CPED1: variants seen among roughly 807,000 people sequenced by gnomAD.
CPED1 encodes the protein cadherin like and PC-esterase domain containing 1, also known as cadherin-like and PC-esterase domain-containing protein 1.
Under a neutral mutation model 128.2 loss-of-function variants are expected in CPED1, and 114 were observed. That is an observed-to-expected ratio of 0.89 (90% confidence interval 0.76 to 1.04). CPED1 has a LOEUF of 1.04. CPED1 is among the 50% of genes least tolerant of loss of function. CPED1 has a pLI of 0.00. For synonymous variants in CPED1, 462 were observed against 426.7 expected (o/e 1.08, Z -1.02); for missense variants, 1,211 against 1,207.1 (o/e 1.00, Z -0.05).
intron 5 of CPED1, among the ~76,000 whole-genome samples, chr7:121,088,623 C>T (rs1794494840): frequency 6.6e-6 from 1 of 150,694 alleles, no homozygotes; most frequent in Non-Finnish European, 1.5e-5. Flanking sequence ...TGTCCCACTG[C>T]ACTCCAGCCT....
At chr7:121,009,674 G>A (rs1383635777) in intron 2 of CPED1, among the ~76,000 whole-genome samples, 1 of 145,620 alleles carries the variant, frequency 6.9e-6, no homozygotes, top group Non-Finnish European at 1.5e-5. Flanking sequence ...TAATAAATTT[G>A]AAATAAATGA....
chr7:121,240,386 T>C (rs1584623404), intron 17 of CPED1, among the ~76,000 whole-genome samples: 1 of 152,284 alleles, frequency 6.6e-6, no homozygotes, highest in African/African-American at 2.4e-5. Context: ...AAACAGCCTT[T>C]CAAAAGATTA....
intron 22 of CPED1, among the ~76,000 whole-genome samples, chr7:121,282,782 C>T (rs1393798372): frequency 6.6e-6 from 1 of 152,172 alleles, no homozygotes; most frequent in Non-Finnish European, 1.5e-5. Context: ...GGGAGCTAGT[C>T]TCAGACAATG....
intron 16 of CPED1, among the ~76,000 whole-genome samples, chr7:121,214,285 A>T (rs1368220994): frequency 3.3e-5 from 5 of 151,830 alleles, no homozygotes; most frequent in Admixed American, 1.3e-4. Flanking sequence ...TCCTTAGAGT[A>T]TTTTATCTTT....
intron 16 of CPED1, among the ~76,000 whole-genome samples, chr7:121,160,802 G>A (rs1417289271): frequency 6.6e-6 from 1 of 152,048 alleles, no homozygotes; most frequent in Non-Finnish European, 1.5e-5. Context: ...GCTTCTCAGG[G>A]ACCCAGCAGG....
At chr7:121,014,153 A>C (rs1467005396) in intron 2 of CPED1, among the ~76,000 whole-genome samples, 1 of 152,214 alleles carries the variant, frequency 6.6e-6, no homozygotes, top group Non-Finnish European at 1.5e-5. Context: ...TGATGTATAA[A>C]GGAGCAGGTT....
intron 4 of CPED1, chr7:121,061,211 T>C: frequency 3.1e-6 from 3 of 961,708 alleles, no homozygotes; most frequent in Non-Finnish European, 3.7e-6. Flanking sequence ...AAAGGTATAT[T>C]GGGATAGAAA....
intron 16 of CPED1, among the ~76,000 whole-genome samples, chr7:121,177,422 A>C (rs1347658112): frequency 6.6e-6 from 1 of 152,032 alleles, no homozygotes; most frequent in East Asian, 1.9e-4. Flanking sequence ...TCAATTTTGT[A>C]CAAGTTCCTG....
In CPED1 at chr7:121,118,944, C is replaced by T. The variant is rs149500785; in HGVS notation, c.919-5387C>T. Among the ~76,000 whole-genome samples, 6 of 152,284 alleles carry T rather than the reference C, an allele frequency of 3.9e-5. No individual in the cohort carries two copies. The East Asian group carries it at 5.8e-4, about 15-fold the overall frequency. On this transcript the variant is annotated intron_variant, in intron 7 of 22. Transcript: ENST00000310396. Reference sequence around the variant, plus strand: ...CCCATGACCCAAACACTTCTCAACACGCCCCACCTGCAACACTGAGGATTA... The same window carrying T: ...CCCATGACCCAAACACTTCTCAACATGCCCCACCTGCAACACTGAGGATTA...
At chr7:121,165,166 A>G (rs1156722957) in intron 16 of CPED1, among the ~76,000 whole-genome samples, 1 of 152,228 alleles carries the variant, frequency 6.6e-6, no homozygotes, top group Non-Finnish European at 1.5e-5. Context: ...AGGAACAAAA[A>G]AGGAAAAGTA....
At chr7:121,071,461 T>C (rs1039419806) in intron 5 of CPED1, among the ~76,000 whole-genome samples, 1 of 152,090 alleles carries the variant, frequency 6.6e-6, no homozygotes, top group African/African-American at 2.4e-5. Flanking sequence ...AAAACTTTAC[T>C]CTCTGGTATT....
intron 9 of CPED1, among the ~76,000 whole-genome samples, chr7:121,126,162 G>A (rs983946125): frequency 1.3e-5 from 2 of 152,074 alleles, no homozygotes; most frequent in African/African-American, 4.8e-5. Context: ...ATGAAGTCAA[G>A]TATGCATTAA....
chr7:121,202,936 G>T (rs1797432998), intron 16 of CPED1, among the ~76,000 whole-genome samples: 1 of 152,086 alleles, frequency 6.6e-6, no homozygotes, highest in Non-Finnish European at 1.5e-5. Context: ...AAAACATGTG[G>T]TGGTTCACCG....
intron 5 of CPED1, among the ~76,000 whole-genome samples, chr7:121,097,292 G>T (rs752912959): frequency 1.3e-5 from 2 of 152,026 alleles, no homozygotes; most frequent in Non-Finnish European, 2.9e-5. Flanking sequence ...GCATTGTATT[G>T]TCAGGAAATC....
chr7:121,078,498 G>GAA (rs529856618), intron 5 of CPED1, among the ~76,000 whole-genome samples: 1 of 101,928 alleles, frequency 9.8e-6, no homozygotes, highest in African/African-American at 4.3e-5. Flanking sequence ...AAGAAAGAAA[G>GAA]AAAAAAAAAA....
chr7:121,159,461 A>C (rs1458348628), intron 16 of CPED1, among the ~76,000 whole-genome samples: 1 of 152,136 alleles, frequency 6.6e-6, no homozygotes, highest in Non-Finnish European at 1.5e-5. Flanking sequence ...AAATACATGG[A>C]TTTGTTATGC....
chr7:121,061,302 C>T, intron 4 of CPED1: 1 of 462,902 alleles, frequency 2.2e-6, no homozygotes, highest in Non-Finnish European at 2.8e-6. Flanking sequence ...ATCATTTTAT[C>T]AGTGCATTGT....
intron 16 of CPED1, among the ~76,000 whole-genome samples, chr7:121,216,969 A>G (rs2116610756): frequency 6.6e-6 from 1 of 151,842 alleles, no homozygotes; most frequent in South Asian, 2.1e-4. Context: ...TGAATATTGC[A>G]TTTTTTTGGA....
chr7:121,061,975 A>C (rs913974907), intron 4 of CPED1, among the ~76,000 whole-genome samples: 3 of 152,214 alleles, frequency 2.0e-5, no homozygotes, highest in African/African-American at 7.2e-5. Flanking sequence ...TTCTGGTGTC[A>C]CATGTTGCTA....
Sources: gnomAD v4.1 joint callset for allele counts (sites outside exome capture counted in the v4.1 genomes callset) on GRCh38, gnomAD v4.1.1 for gene constraint, MANE v1.5 for transcripts, NCBI Gene and HGNC (gene_info 2026-07-23, HGNC 2026-07-21) for gene names.